ERBB4: variants seen among roughly 807,000 people sequenced by gnomAD.
ERBB4 encodes the protein receptor tyrosine-protein kinase erbB-4.
ERBB4 carries 42 observed loss-of-function variants against 158.0 expected under a neutral mutation model. The observed-to-expected ratio is 0.27, with a 90% CI of 0.21 to 0.34. ERBB4 has a LOEUF of 0.34. ERBB4 is among the 10% of genes least tolerant of loss of function. The pLI, the probability that ERBB4 is intolerant of heterozygous loss-of-function variation, is 1.00. For missense variants in ERBB4, 1,333 were observed against 1,624.1 expected, an observed-to-expected ratio of 0.82 and a Z score of 3.08; for synonymous variants, 583 against 558.7, an observed-to-expected ratio of 1.04 and a Z score of -0.61.
chr2:211,750,783 A>C, intron 4 of ERBB4, 79 bp from the exon 5 acceptor site: 1 of 1,206,234 alleles, frequency 8.3e-7, no homozygotes, highest in Non-Finnish European at 1.2e-6. Flanking sequence ...CCTCAAAGGA[A>C]ATACTCCTGC....
chr2:211,467,661 T>C (rs1232486325), intron 20 of ERBB4, among the ~76,000 whole-genome samples: 1 of 152,158 alleles, frequency 6.6e-6, no homozygotes, highest in Non-Finnish European at 1.5e-5. Context: ...GGAAGACCAT[T>C]AAGGAAAGAA....
At chr2:212,000,187 T>C (rs566257126) in intron 2 of ERBB4, among the ~76,000 whole-genome samples, 2 of 151,836 alleles carry the variant, frequency 1.3e-5, no homozygotes, top group African/African-American at 4.8e-5. Flanking sequence ...TATTTTGATA[T>C]TCATCAATAT....
intron 2 of ERBB4, among the ~76,000 whole-genome samples, chr2:212,035,716 T>C (rs1368433711): frequency 1.3e-5 from 2 of 152,196 alleles, no homozygotes; most frequent in African/African-American, 4.8e-5. Context: ...CTGTTTTGTC[T>C]TCAGAATCTT....
chr2:211,636,328 T>G (rs2070360176), intron 16 of ERBB4, among the ~76,000 whole-genome samples: 1 of 152,018 alleles, frequency 6.6e-6, no homozygotes, highest in African/African-American at 2.4e-5. Context: ...AAATCTAAGT[T>G]TTAATCATAT....
rs189457028 is a variant in ERBB4, at chr2:212,312,612, T to C, written c.83-187709A>G. ...ATTTTAAGCATGCAAGCAATATATA[T>C]AGTTCTGTAAAAATTAATATAGAAT... On this transcript the variant is annotated intron_variant, in intron 1 of 27. Transcript: ENST00000342788. Among the ~76,000 whole-genome samples, 738 of 151,014 alleles carry C rather than the reference T, an allele frequency of 4.9e-3. 3 individuals carry two copies. Among genetic ancestry groups the C allele is most frequent in the African/African-American group, 0.017 (703 of 41,382 alleles).
intron 2 of ERBB4, among the ~76,000 whole-genome samples, chr2:212,059,313 C>T (rs1419659854): frequency 2.0e-5 from 3 of 152,172 alleles, no homozygotes; most frequent in Non-Finnish European, 2.9e-5. Context: ...AATGGAAGAA[C>T]ATTCCATTCT....
At chr2:212,478,266 GT>G (rs1371069984) in intron 1 of ERBB4, among the ~76,000 whole-genome samples, 1 of 152,098 alleles carries the variant, frequency 6.6e-6, no homozygotes, top group East Asian at 1.9e-4. Flanking sequence ...TACCAGGCAT[GT>G]TTTCTGGTAC....
Position 211,379,227 on chromosome 2 carries a change from C to CTT in ERBB4, c.*4386_*4387dup, listed in dbSNP as rs200418476. On this transcript the variant is annotated 3_prime_UTR_variant, in exon 28 of 28. Transcript: ENST00000342788. ...GTTTGCTAGCTAAATGACACCACTC[C>CTT]TTTTTTTTTTTGTCTCTGCATAAGG... is the stretch of plus-strand genomic sequence containing the variant. The CTT allele has an allele frequency of 7.8e-5, 16 of 203,828 alleles. No individual in the cohort carries two copies. Among genetic ancestry groups the CTT allele is most frequent in the East Asian group, 3.0e-4 (4 of 13,524 alleles). The allele number at this position is 203,828 out of a possible 1,614,324, so 12.6% of individuals were successfully genotyped here.
chr2:211,486,600 T>G (rs2065209125), intron 20 of ERBB4, among the ~76,000 whole-genome samples: 1 of 151,802 alleles, frequency 6.6e-6, no homozygotes, highest in South Asian at 2.1e-4. Flanking sequence ...GGGTGTAGGT[T>G]CGGAGCCTTG....
rs112640995 is a variant in ERBB4 at position 211,576,265 on chromosome 2, G to A, written c.2302-14177C>T. Among the ~76,000 whole-genome samples, 710 of 152,226 alleles carry A rather than the reference G, an allele frequency of 4.7e-3. 3 individuals carry two copies. The highest frequency in any genetic ancestry group is 7.5e-3 in the Non-Finnish European group (507 of 68,002). On this transcript the variant is annotated intron_variant, in intron 19 of 27. Coordinates refer to ENST00000342788, the MANE Select transcript of ERBB4 (RefSeq NM_005235.3). ...GGAACATGTGGCTTTTTGTCTAGAC[G>A]CACACTGTGAGAGGGTAAGCAAGTG...
At chr2:212,133,402 T>TG (rs2080167542) in intron 1 of ERBB4, among the ~76,000 whole-genome samples, 1 of 146,688 alleles carries the variant, frequency 6.8e-6, no homozygotes, top group African/African-American at 2.7e-5. Flanking sequence ...TGGTGTTTTT[T>TG]TTTTGTTTTG....
chr2:212,316,943 G>A lies in ERBB4; in HGVS notation c.83-192040C>T, dbSNP rs375291824. Among the ~76,000 whole-genome samples the A allele has an allele frequency of 6.5e-4, 98 of 151,574 alleles. 1 individual carries two copies. In the Middle Eastern group the frequency reaches 0.017, roughly 26 times the overall value. On this transcript the variant is annotated intron_variant, in intron 1 of 27. Coordinates refer to ENST00000342788, the MANE Select transcript of ERBB4 (RefSeq NM_005235.3). ...TATTTTATGTACTCAGCTGCAAGTC[G>A]CAGGAGCTATTCTGAGGTGATTATA... is the stretch of plus-strand genomic sequence containing the variant.
At chr2:211,720,532 C>A (rs1575047429) in intron 7 of ERBB4, among the ~76,000 whole-genome samples, 1 of 152,174 alleles carries the variant, frequency 6.6e-6, no homozygotes, top group Non-Finnish European at 1.5e-5. Flanking sequence ...TTGTGTCCAG[C>A]CTGTTGAATA....
intron 1 of ERBB4, among the ~76,000 whole-genome samples, chr2:212,477,252 G>T (rs904536244): frequency 1.3e-5 from 2 of 152,118 alleles, no homozygotes; most frequent in African/African-American, 4.8e-5. Flanking sequence ...GAGTGTCTGT[G>T]TCTGTCAGGC....
intron 25 of ERBB4, among the ~76,000 whole-genome samples, chr2:211,392,324 G>A (rs746247416): frequency 1.4e-4 from 21 of 151,960 alleles, no homozygotes; most frequent in Non-Finnish European, 2.6e-4. Context: ...TTAGATTTAG[G>A]ACCTTCATTT....
intron 16 of ERBB4, among the ~76,000 whole-genome samples, chr2:211,632,359 C>T (rs866545030): frequency 2.4e-4 from 36 of 151,988 alleles, no homozygotes; most frequent in Non-Finnish European, 1.2e-4. Flanking sequence ...AGCTCAAATG[C>T]TTAACATATC....
chr2:211,680,136 T>C (rs1449860733), intron 12 of ERBB4, among the ~76,000 whole-genome samples: 1 of 152,204 alleles, frequency 6.6e-6, no homozygotes, highest in Non-Finnish European at 1.5e-5. Flanking sequence ...GTAACAATAG[T>C]CTTTAGTGTT....
chr2:211,938,730 C>G (rs1488987903), intron 3 of ERBB4, among the ~76,000 whole-genome samples: 2 of 151,962 alleles, frequency 1.3e-5, no homozygotes, highest in African/African-American at 4.8e-5. Context: ...AAATATTTGT[C>G]AGAAATATAG....
Position 211,619,258 on chromosome 2 carries a change from T to C in ERBB4, c.2220A>G (p.Glu740=). ...GTVYKGIWVP[E]GETVKIPVAI... is the part of the protein sequence containing the mutation. ...CCACAGGAATCTTCACAGTTTCTCCTTCAGGTACCCAAATACCCTTTGGGG... is the reference window on the plus strand; with the variant it reads ...CCACAGGAATCTTCACAGTTTCTCCCTCAGGTACCCAAATACCCTTTGGGG... Residue 740 remains glutamate, a synonymous_variant, in exon 19 of 28, where the codon GAA becomes GAG. Transcript: ENST00000342788. 1 of 1,609,520 alleles carries C rather than the reference T, an allele frequency of 6.2e-7. No individual in the cohort carries two copies. The highest frequency in any genetic ancestry group is 8.5e-7 in the Non-Finnish European group (1 of 1,176,104).
Sources: allele counts gnomAD v4.1 joint callset (sites outside exome capture counted in the v4.1 genomes callset), GRCh38; gene constraint gnomAD v4.1.1; transcripts MANE v1.5; gene names NCBI Gene and HGNC (gene_info 2026-07-23, HGNC 2026-07-21).